PARD3: variants seen among roughly 807,000 people sequenced by gnomAD.
PARD3 encodes the protein partitioning defective 3 homolog.
Under a neutral mutation model 155.4 loss-of-function variants are expected in PARD3, and 75 were observed. The ratio of observed to expected loss-of-function variants is 0.48; its 90% confidence interval spans 0.40 to 0.58. The LOEUF (loss-of-function observed/expected upper bound fraction) is 0.58. Ranked by LOEUF, PARD3 falls within the 20% of genes least tolerant of loss-of-function variation. The probability of loss-of-function intolerance (pLI) is 0.00; values close to 1 mark genes in which losing one functional copy is unlikely to be tolerated. For synonymous variants in PARD3, 576 were observed against 610.5 expected (o/e 0.94, Z 0.83); for missense variants, 1,642 against 1,721.7 (o/e 0.95, Z 0.82).
At chr10:34,358,744 T>A (rs967780278) in intron 14 of PARD3, among the ~76,000 whole-genome samples, 3 of 152,190 alleles carry the variant, frequency 2.0e-5, no homozygotes, top group African/African-American at 7.2e-5. Context: ...CTAGGGGCTT[T>A]GTAAGAGGCA....
At chr10:34,451,988 T>C (rs1001480409) in intron 4 of PARD3, among the ~76,000 whole-genome samples, 2 of 151,866 alleles carry the variant, frequency 1.3e-5, no homozygotes, top group African/African-American at 4.8e-5. Flanking sequence ...CTTATACTAA[T>C]AAGAAATTCA....
At chr10:34,298,563 T>G (rs1279544530) in intron 20 of PARD3, among the ~76,000 whole-genome samples, 1 of 151,968 alleles carries the variant, frequency 6.6e-6, no homozygotes, top group Non-Finnish European at 1.5e-5. Flanking sequence ...AGACAGAAAG[T>G]AAAGTGGTGG....
chr10:34,361,687 A>G (rs955441851), intron 12 of PARD3, among the ~76,000 whole-genome samples: 7 of 152,236 alleles, frequency 4.6e-5, no homozygotes, highest in African/African-American at 1.4e-4. Context: ...ATAAATCTTT[A>G]GACCCATAGT....
chr10:34,385,209 T>C (rs1022417614), intron 7 of PARD3, among the ~76,000 whole-genome samples: 29 of 152,138 alleles, frequency 1.9e-4, no homozygotes, highest in African/African-American at 6.5e-4. Context: ...TCTTGGTTCA[T>C]TGCAACCTCC....
intron 22 of PARD3, among the ~76,000 whole-genome samples, chr10:34,248,513 C>A (rs962847972): frequency 2.0e-5 from 3 of 152,148 alleles, no homozygotes; most frequent in Non-Finnish European, 4.4e-5. Flanking sequence ...TATGGTCTAA[C>A]AATAGGACAA....
At chr10:34,526,661 A>G (rs2082505472) in intron 2 of PARD3, among the ~76,000 whole-genome samples, 1 of 152,132 alleles carries the variant, frequency 6.6e-6, no homozygotes, top group Non-Finnish European at 1.5e-5. Flanking sequence ...ACGGGTGGGG[A>G]GCCCTTGTCT....
At chr10:34,344,042 T>C in intron 15 of PARD3, 1 of 955,122 alleles carries the variant, frequency 1.0e-6, no homozygotes, top group Non-Finnish European at 1.2e-6. Context: ...TACGTCTTCT[T>C]AAACTCACCA....
intron 18 of PARD3, among the ~76,000 whole-genome samples, chr10:34,334,021 C>T (rs1034313757): frequency 1.3e-5 from 2 of 151,780 alleles, no homozygotes; most frequent in Admixed American, 1.3e-4. Context: ...TCTTTTTGTA[C>T]ATAAAATATA....
chr10:34,207,314 C>G (rs1357285264), intron 22 of PARD3, among the ~76,000 whole-genome samples: 1 of 152,196 alleles, frequency 6.6e-6, no homozygotes, highest in Non-Finnish European at 1.5e-5. Flanking sequence ...TAAAAATAAG[C>G]ACAGCAGCAA....
At chr10:34,579,015 G>A (rs1009714563) in intron 2 of PARD3, among the ~76,000 whole-genome samples, 14 of 152,216 alleles carry the variant, frequency 9.2e-5, no homozygotes, top group African/African-American at 3.4e-4. Context: ...GCTCATTCCT[G>A]TAATCCCAGC....
At chr10:34,760,060 G>C (rs921464613) in intron 1 of PARD3, among the ~76,000 whole-genome samples, 4 of 152,004 alleles carry the variant, frequency 2.6e-5, no homozygotes, top group African/African-American at 9.7e-5. Flanking sequence ...TCCAATCTTA[G>C]CCAACTATAT....
intron 22 of PARD3, among the ~76,000 whole-genome samples, chr10:34,213,761 G>C (rs61250157): frequency 6.6e-6 from 1 of 152,334 alleles, no homozygotes; most frequent in South Asian, 2.1e-4. Context: ...GACAGGAGGT[G>C]ACGTGGGCAG....
chr10:34,686,054 A>G (rs1004701149), intron 2 of PARD3, among the ~76,000 whole-genome samples: 3 of 152,198 alleles, frequency 2.0e-5, no homozygotes, highest in South Asian at 4.1e-4. Context: ...TAACTAAAAT[A>G]CTACTTACTT....
chr10:34,603,926 C>T (rs2090005477), intron 2 of PARD3, among the ~76,000 whole-genome samples: 1 of 152,132 alleles, frequency 6.6e-6, no homozygotes, highest in Admixed American at 6.5e-5. Flanking sequence ...ATAACCAGAT[C>T]CTGGAGTAAG....
intron 16 of PARD3, among the ~76,000 whole-genome samples, chr10:34,339,625 CAATT>C (rs1242241474): frequency 2.6e-5 from 4 of 152,128 alleles, no homozygotes; most frequent in Non-Finnish European, 5.9e-5. Context: ...AATGTTCTCT[CAATT>C]GATTAATGGA....
At chr10:34,138,973 A>AAC (rs1358356717) in intron 22 of PARD3, among the ~76,000 whole-genome samples, 4 of 151,928 alleles carry the variant, frequency 2.6e-5, no homozygotes, top group Non-Finnish European at 5.9e-5. Context: ...AAAAAAAAAA[A>AAC]AGAAAAAAGC....
At chr10:34,409,578 G>C (rs1327075349) in intron 5 of PARD3, among the ~76,000 whole-genome samples, 1 of 152,154 alleles carries the variant, frequency 6.6e-6, no homozygotes, top group Non-Finnish European at 1.5e-5. Flanking sequence ...CACTCAAGCA[G>C]ATACCACCAT....
chr10:34,513,922 T>A (rs1206019245), intron 3 of PARD3, among the ~76,000 whole-genome samples: 1 of 152,140 alleles, frequency 6.6e-6, no homozygotes, highest in African/African-American at 2.4e-5. Flanking sequence ...TGATAAATGT[T>A]CCTTGGGGAG....
intron 22 of PARD3, among the ~76,000 whole-genome samples, chr10:34,238,195 C>T (rs1299467512): frequency 6.6e-6 from 1 of 152,188 alleles, no homozygotes; most frequent in Non-Finnish European, 1.5e-5. Context: ...ATTCTTTTCA[C>T]TCTGCATTTC....
Sources: gnomAD v4.1 joint callset for allele counts (sites outside exome capture counted in the v4.1 genomes callset) on GRCh38, gnomAD v4.1.1 for gene constraint, MANE v1.5 for transcripts, NCBI Gene and HGNC (gene_info 2026-07-23, HGNC 2026-07-21) for gene names.